THG1L: variants seen among roughly 807,000 people sequenced by gnomAD.
The protein encoded by THG1L is probable tRNA(His) guanylyltransferase.
A neutral mutation model predicts 35.2 loss-of-function variants in THG1L; 27 were observed. That is an observed-to-expected ratio of 0.77 (90% CI 0.57 to 1.06). THG1L has a LOEUF of 1.06. Among genes scored for constraint, THG1L ranks in the 50% least tolerant of loss-of-function variants. THG1L has a pLI of 0.00. For missense variants in THG1L, 377 were observed against 371.8 expected, an observed-to-expected ratio of 1.01 and a Z score of -0.12; for synonymous variants, 135 against 132.4, an observed-to-expected ratio of 1.02 and a Z score of -0.14.
At chr5:157,735,181 A>G (rs914544747) in intron 3 of THG1L, among the ~76,000 whole-genome samples, 1 of 151,866 alleles carries the variant, frequency 6.6e-6, no homozygotes, top group African/African-American at 2.4e-5. Flanking sequence ...CAGGTGATCC[A>G]CCCGCCTTGG....
Position 157,739,696 on chromosome 5 carries a change from A to G in THG1L, c.*214A>G, listed in dbSNP as rs1051010073. ...AACACCTTGTTTGCGGTGTTGGAAC[A>G]TGGTTCCTTTGGCAGAAGTGCTTTT... On this transcript the variant is annotated 3_prime_UTR_variant, in exon 6 of 6. Transcript: ENST00000231198. 1 of 423,200 alleles carries G rather than the reference A, an allele frequency of 2.4e-6. No individual in the cohort carries two copies. The allele number at this position is 423,200 out of a possible 1,614,324, so 26.2% of individuals were successfully genotyped here.
At chr5:157,736,565 A>G (rs1351812799) in intron 4 of THG1L, among the ~76,000 whole-genome samples, 5 of 152,096 alleles carry the variant, frequency 3.3e-5, no homozygotes, top group African/African-American at 1.2e-4. Context: ...GCCAGCACTG[A>G]ATTTTTGTCA....
intron 5 of THG1L, 135 bp from the exon 6 acceptor site, chr5:157,739,186 T>C: frequency 1.5e-6 from 1 of 684,768 alleles, no homozygotes. Context: ...TATACACATA[T>C]TTATATCTAT....
In THG1L at chr5:157,739,643, G is replaced by T. The variant is rs1251210724; in HGVS notation, c.*161G>T. ...AACAGGGAAGGAAGGGATGGATGGG[G>T]GTGGTGTATCTTACTCTGTTTAAGC... On this transcript the variant is annotated 3_prime_UTR_variant, in exon 6 of 6. Transcript: ENST00000231198. The T allele has an allele frequency of 5.3e-6, 4 of 760,052 alleles. No homozygotes were observed. In the East Asian group the frequency reaches 1.1e-4, roughly 21 times the overall value. The allele number at this position is 760,052 out of a possible 1,614,324, so 47.1% of individuals were successfully genotyped here.
intron 3 of THG1L, among the ~76,000 whole-genome samples, chr5:157,735,062 C>T (rs1489816309): frequency 4.6e-5 from 7 of 151,850 alleles, no homozygotes; most frequent in Non-Finnish European, 7.4e-5. Flanking sequence ...CTCAGCCTCC[C>T]GAGTAGCTGG....
chr5:157,734,864 G>A, intron 3 of THG1L, 119 bp downstream of exon 3: 24 of 1,059,944 alleles, frequency 2.3e-5, no homozygotes, highest in Non-Finnish European at 2.9e-5. Context: ...TGTACAGAAT[G>A]CAGTATTTAA....
chr5:157,737,866 T>C, intron 4 of THG1L, 21 bp from the exon 5 acceptor site: 1 of 1,592,278 alleles, frequency 6.3e-7, no homozygotes, highest in Non-Finnish European at 8.6e-7. Context: ...GAGCTTTTAA[T>C]ATCTATTTTT....
chr5:157,736,436 G>T (rs1760891060), intron 4 of THG1L, among the ~76,000 whole-genome samples: 1 of 152,050 alleles, frequency 6.6e-6, no homozygotes, highest in South Asian at 2.1e-4. Context: ...TTTTAGTAGA[G>T]ACAGGGTTTC....
chr5:157,739,542 T>G lies in THG1L; in HGVS notation c.*60T>G, dbSNP rs1760980934. Reference sequence around the variant, plus strand: ...TGCAAGCCCTCCCACCTCCCAGGGCTCCTTGCCTTAGGTGGCTGTAGCATC... The same window carrying G: ...TGCAAGCCCTCCCACCTCCCAGGGCGCCTTGCCTTAGGTGGCTGTAGCATC... On this transcript the variant is annotated 3_prime_UTR_variant, in exon 6 of 6. Transcript: ENST00000231198. 5.2e-6 allele frequency: 8 copies of G among 1,549,040 alleles called. No individual in the cohort carries two copies. Among genetic ancestry groups the G allele is most frequent in the Non-Finnish European group, 7.0e-6 (8 of 1,146,912 alleles).
At chr5:157,732,407 C>G (rs1184582908) in intron 1 of THG1L, among the ~76,000 whole-genome samples, 1 of 151,972 alleles carries the variant, frequency 6.6e-6, no homozygotes, top group African/African-American at 2.4e-5. Context: ...GGTGATTGGA[C>G]ACTGCACTCC....
Position 157,741,171 on chromosome 5 carries a change from A to C in THG1L, c.*1689A>C. 6.6e-6 allele frequency: 1 copy of C among 152,238 alleles called. No homozygotes were observed. The highest frequency in any genetic ancestry group is 1.5e-5 in the Non-Finnish European group (1 of 68,050). The allele number at this position is 152,238 out of a possible 1,614,324, so 9.4% of individuals were successfully genotyped here. ...CAGTGAGCTGAAATCATGCCACTGC[A>C]CTCCAGCCTGGGTGACAGAGCAAAA... On this transcript the variant is annotated 3_prime_UTR_variant, in exon 6 of 6. Transcript: ENST00000231198.
At chr5:157,731,874 C>T (rs114445710) in intron 1 of THG1L, among the ~76,000 whole-genome samples, 132 of 152,278 alleles carry the variant, frequency 8.7e-4, no homozygotes, top group African/African-American at 3.1e-3. Context: ...TTGGAGTGCC[C>T]GTGTTAAGTG....
intron 3 of THG1L, among the ~76,000 whole-genome samples, chr5:157,735,268 T>C (rs767826653): frequency 3.3e-5 from 5 of 152,196 alleles, no homozygotes; most frequent in African/African-American, 4.8e-5. Flanking sequence ...AAAAATCAGA[T>C]GTGGCAATAC....
At position 157,734,642 on chromosome 5, in the gene THG1L, T is replaced by G; in HGVS notation, c.435T>G (p.Phe145Leu). Residue 145 changes from phenylalanine (F) to leucine (L), a missense_variant, in exon 3 of 6, where the codon TTT (phenylalanine) becomes TTG (leucine). Physicochemically the swap from Phe to Leu is conservative, Grantham distance 22. Transcript: ENST00000231198. ...ATGTGTTTTATTGGCGGGATTACTT[T>G]GAGGACCAGCCCCTTCTGTATCCCC... is the stretch of plus-strand genomic sequence containing the variant. ...SSYVFYWRDY[F>L]EDQPLLYPPG... 1 of 1,614,158 alleles carries G rather than the reference T, an allele frequency of 6.2e-7. No homozygotes were observed.
At chr5:157,736,698 A>G (rs1447996588) in intron 4 of THG1L, among the ~76,000 whole-genome samples, 1 of 152,178 alleles carries the variant, frequency 6.6e-6, no homozygotes, top group African/African-American at 2.4e-5. Flanking sequence ...AAATGTCATA[A>G]TAACTACTCA....
chr5:157,737,924 C>G lies in THG1L; in HGVS notation c.665C>G (p.Ser222Cys), dbSNP rs1760925234. The change falls in exon 5 of 6, where the codon TCT (serine) becomes TGT (cysteine). Residue 222 changes from serine (S) to cysteine (C), a missense_variant. Ser to Cys is a moderately radical substitution (Grantham distance 112). Coordinates refer to ENST00000231198, the MANE Select transcript of THG1L (RefSeq NM_017872.5). ...GCAGACAAGAATGAGATTTTGTTTT[C>G]TGAATTCAACATCAACTATAATAAT... ...LAADKNEILF[S>C]EFNINYNNEL... is the part of the protein sequence containing the mutation. The G allele has an allele frequency of 6.2e-7, 1 of 1,613,108 alleles. No homozygotes were observed. The highest frequency in any genetic ancestry group is 8.5e-7 in the Non-Finnish European group (1 of 1,179,656).
At chr5:157,731,679 G>C in intron 1 of THG1L, 48 bp downstream of exon 1, 1 of 1,559,384 alleles carries the variant, frequency 6.4e-7, no homozygotes, top group Non-Finnish European at 8.7e-7. Flanking sequence ...CGCTTCCGGG[G>C]AATCCAGCTT....
In THG1L at chr5:157,731,439, G is replaced by C. The variant is rs771466339; in HGVS notation, c.-2G>C. Reference sequence around the variant, plus strand: ...TCTGGCCCTTTCCTTTCCGCGTGTAGAATGTGGGGCGCCTGTAAAGTTAAG... The same window carrying C: ...TCTGGCCCTTTCCTTTCCGCGTGTACAATGTGGGGCGCCTGTAAAGTTAAG... On this transcript the variant is annotated 5_prime_UTR_variant, in exon 1 of 6. Coordinates refer to ENST00000231198, the MANE Select transcript of THG1L (RefSeq NM_017872.5). The C allele has an allele frequency of 6.3e-7, 1 of 1,588,636 alleles. No individual in the cohort carries two copies. Among genetic ancestry groups the C allele is most frequent in the Non-Finnish European group, 8.6e-7 (1 of 1,165,962 alleles).
chr5:157,731,698 G>T (rs1463596366), intron 1 of THG1L, 67 bp downstream of exon 1: 2 of 1,528,730 alleles, frequency 1.3e-6, no homozygotes, highest in Non-Finnish European at 1.8e-6. Context: ...TTCTTCCCTT[G>T]CAAGTCCTCC....
Sources: gnomAD v4.1 joint callset for allele counts (sites outside exome capture counted in the v4.1 genomes callset) on GRCh38, gnomAD v4.1.1 for gene constraint, MANE v1.5 for transcripts, NCBI Gene and HGNC (gene_info 2026-07-23, HGNC 2026-07-21) for gene names.